Variants in SPA17 observed in about 807,000 individuals in gnomAD.
SPA17 encodes sperm autoantigenic protein 17.
A neutral mutation model predicts 13.8 loss-of-function variants in SPA17; 7 were observed. That is an observed-to-expected ratio of 0.51 (90% CI 0.29 to 0.95). SPA17 has a LOEUF of 0.95. SPA17 is among the 40% of genes least tolerant of loss of function. The pLI is 0.08. For missense variants in SPA17, 170 were observed against 179.3 expected (o/e 0.95, Z 0.30); for synonymous variants, 61 against 59.0 (o/e 1.03, Z -0.16).
chr11:124,681,559 G>C, intron 3 of SPA17, 100 bp downstream of exon 3: 5 of 646,784 alleles, frequency 7.7e-6, no homozygotes, highest in Non-Finnish European at 9.5e-6. Context: ...TATGTGAGGA[G>C]GCATCACAAA....
At chr11:124,687,868 A>G (rs567310235) in intron 3 of SPA17, among the ~76,000 whole-genome samples, 1 of 152,332 alleles carries the variant, frequency 6.6e-6, no homozygotes, top group South Asian at 2.1e-4. Context: ...CCCCCAAAGA[A>G]CAGGAACAAG....
At chr11:124,687,178 AC>A (rs1591406592) in intron 3 of SPA17, among the ~76,000 whole-genome samples, 1 of 152,186 alleles carries the variant, frequency 6.6e-6, no homozygotes, top group African/African-American at 2.4e-5. Context: ...AAACTAGAAA[AC>A]ATAGAGGAAA....
chr11:124,681,533 C>T, intron 3 of SPA17, 74 bp downstream of exon 3: 1 of 1,142,678 alleles, frequency 8.8e-7, no homozygotes, highest in Non-Finnish European at 1.2e-6. Context: ...TAGGCTATCC[C>T]CAGAATTGTG....
intron 4 of SPA17, among the ~76,000 whole-genome samples, chr11:124,692,046 G>A (rs1044772766): frequency 6.6e-6 from 1 of 152,062 alleles, no homozygotes; most frequent in Non-Finnish European, 1.5e-5. Flanking sequence ...ATGGGGAAGG[G>A]CAGACAGAAC....
chr11:124,688,283 G>T (rs1226494687), intron 3 of SPA17, among the ~76,000 whole-genome samples: 1 of 152,168 alleles, frequency 6.6e-6, no homozygotes, highest in Non-Finnish European at 1.5e-5. Context: ...AAAGTGCCGG[G>T]ATTACAGGCA....
intron 3 of SPA17, among the ~76,000 whole-genome samples, chr11:124,683,549 A>C (rs1216445782): frequency 3.3e-5 from 5 of 151,998 alleles, no homozygotes; most frequent in Non-Finnish European, 7.4e-5. Context: ...AAAAAAAAAA[A>C]AAACATGATT....
chr11:124,675,458 C>CT, intron 2 of SPA17, 40 bp downstream of exon 2: 2 of 1,597,184 alleles, frequency 1.3e-6, no homozygotes, highest in Non-Finnish European at 1.7e-6. Context: ...AAATAAGAAA[C>CT]TAAGCATTTG....
rs1409436564 is a variant in SPA17, at chr11:124,694,540, A to T, written c.*94A>T. On this transcript the variant is annotated 3_prime_UTR_variant, in exon 5 of 5. Transcript: ENST00000227135. ...TTTCTTCCTGAGGAAGGAAGATTTG[A>T]TGTTGTGAAATAACATTCGTTACTG... 2.0e-6 allele frequency: 3 copies of T among 1,468,186 alleles called. No individual in the cohort carries two copies. Among genetic ancestry groups the T allele is most frequent in the Non-Finnish European group, 1.8e-6 (2 of 1,089,828 alleles). 90.9% of individuals were successfully genotyped at this position (1,468,186 alleles called of 1,614,324 possible).
Position 124,673,930 on chromosome 11 carries a change from G to A in SPA17, c.-50G>A, listed in dbSNP as rs1943418509. ...ACTAGAAAAACAACCGGAACCGGCG[G>A]CACCAGCTCGGAGAGAAAGGAGGTG... On this transcript the variant is annotated 5_prime_UTR_variant, in exon 1 of 5. Transcript: ENST00000227135. 1.0e-5 allele frequency: 6 copies of A among 585,598 alleles called. No individual in the cohort carries two copies. The highest frequency in any genetic ancestry group is 1.9e-5 in the African/African-American group (1 of 53,172). The allele number at this position is 585,598 out of a possible 1,614,324, so 36.3% of individuals were successfully genotyped here.
At chr11:124,693,501 T>C (rs1481550372) in intron 4 of SPA17, among the ~76,000 whole-genome samples, 3 of 151,856 alleles carry the variant, frequency 2.0e-5, no homozygotes, top group African/African-American at 7.3e-5. Context: ...TATATATATA[T>C]ACCCATATGA....
chr11:124,691,192 C>T (rs1272244927), intron 3 of SPA17, among the ~76,000 whole-genome samples: 1 of 152,108 alleles, frequency 6.6e-6, no homozygotes, highest in Non-Finnish European at 1.5e-5. Flanking sequence ...GGTGGTTTCT[C>T]CTTTTATATT....
At chr11:124,690,319 G>A (rs183844159) in intron 3 of SPA17, among the ~76,000 whole-genome samples, 2 of 152,318 alleles carry the variant, frequency 1.3e-5, no homozygotes, top group East Asian at 3.9e-4. Context: ...CCAGCAACAT[G>A]GATGAAACAG....
At chr11:124,685,199 GC>G (rs1250370648) in intron 3 of SPA17, among the ~76,000 whole-genome samples, 1 of 152,254 alleles carries the variant, frequency 6.6e-6, no homozygotes, top group Non-Finnish European at 1.5e-5. Context: ...GGGCTCCCCT[GC>G]TGTATGCAGC....
chr11:124,680,797 G>A (rs540327756), intron 2 of SPA17, among the ~76,000 whole-genome samples: 1 of 151,878 alleles, frequency 6.6e-6, no homozygotes, highest in African/African-American at 2.4e-5. Flanking sequence ...AGAAGAAAAG[G>A]TTATAAATAA....
chr11:124,691,809 G>A (rs963661769), intron 4 of SPA17, 27 bp downstream of exon 4: 5 of 1,474,170 alleles, frequency 3.4e-6, no homozygotes, highest in African/African-American at 2.8e-5. Context: ...ATGTACTATT[G>A]GATTCCTACA....
At chr11:124,675,538 A>G in intron 2 of SPA17, 120 bp downstream of exon 2, 3 of 1,068,760 alleles carry the variant, frequency 2.8e-6, no homozygotes, top group Non-Finnish European at 4.0e-6. Flanking sequence ...GGAGTTTCAG[A>G]TAACAGTTCT....
intron 3 of SPA17, among the ~76,000 whole-genome samples, chr11:124,689,014 A>G (rs1473297126): frequency 6.6e-6 from 1 of 152,200 alleles, no homozygotes; most frequent in Non-Finnish European, 1.5e-5. Context: ...AAGCATATAC[A>G]TATAGCTAAC....
rs547924974 is a variant in SPA17 at position 124,693,355 on chromosome 11, TA to T, written c.313-941del. 1.1e-4 allele frequency among the ~76,000 whole-genome samples: 16 copies of T among 151,942 alleles called. No homozygotes were observed. The South Asian group carries it at 3.3e-3, about 32-fold the overall frequency. On this transcript the variant is annotated intron_variant, in intron 4 of 4. Coordinates refer to ENST00000227135, the MANE Select transcript of SPA17 (RefSeq NM_017425.4). ...ACATCAGTATAATATAATGATGTCA[TA>T]AAAAAAGAATGGGGAGAGTTATACA... is the stretch of plus-strand genomic sequence containing the variant.
intron 3 of SPA17, among the ~76,000 whole-genome samples, chr11:124,685,334 G>A (rs1943567998): frequency 6.6e-6 from 1 of 152,254 alleles, no homozygotes; most frequent in African/African-American, 2.4e-5. Context: ...CTTACATGTG[G>A]TGTTGAGTTT....
Sources: gnomAD v4.1 joint callset for allele counts (sites outside exome capture counted in the v4.1 genomes callset) on GRCh38, gnomAD v4.1.1 for gene constraint, MANE v1.5 for transcripts, NCBI Gene and HGNC (gene_info 2026-07-23, HGNC 2026-07-21) for gene names.